Variants in IRAK3 observed in about 807,000 individuals in gnomAD.
The protein encoded by IRAK3 is interleukin 1 receptor associated kinase 3.
Under a neutral mutation model 56.6 loss-of-function variants are expected in IRAK3, and 57 were observed. The ratio of observed to expected loss-of-function variants is 1.01; its 90% CI spans 0.81 to 1.26. The LOEUF is 1.26. Among genes scored for constraint, IRAK3 ranks in the 50% most tolerant of loss-of-function variants. The probability of loss-of-function intolerance (pLI) is 0.00; values close to 1 mark genes in which losing one functional copy is unlikely to be tolerated. For synonymous variants in IRAK3, 258 were observed against 255.7 expected, an observed-to-expected ratio of 1.01 and a Z score of -0.09; for missense variants, 703 against 719.0, an observed-to-expected ratio of 0.98 and a Z score of 0.25.
At chr12:66,239,299 C>T (rs1592601123) in intron 8 of IRAK3, among the ~76,000 whole-genome samples, 3 of 144,568 alleles carry the variant, frequency 2.1e-5, no homozygotes, top group African/African-American at 5.1e-5. Flanking sequence ...TCAAAATGGA[C>T]TTTTTTTTTT....
At chr12:66,239,848 A>G (rs906425524) in intron 8 of IRAK3, among the ~76,000 whole-genome samples, 5 of 152,250 alleles carry the variant, frequency 3.3e-5, no homozygotes, top group Non-Finnish European at 2.9e-5. Flanking sequence ...ATACATAGAT[A>G]CATACACATA....
intron 1 of IRAK3, among the ~76,000 whole-genome samples, chr12:66,193,306 C>G (rs2052417515): frequency 6.6e-6 from 1 of 152,112 alleles, no homozygotes; most frequent in African/African-American, 2.4e-5. Context: ...AGCCACCGCG[C>G]CTGGCCTAGA....
At chr12:66,204,789 C>T (rs984586496) in intron 2 of IRAK3, among the ~76,000 whole-genome samples, 2 of 142,796 alleles carry the variant, frequency 1.4e-5, no homozygotes, top group African/African-American at 5.5e-5. Context: ...CACACACACA[C>T]ACACACACAC....
intron 8 of IRAK3, among the ~76,000 whole-genome samples, chr12:66,243,742 G>A (rs747732028): frequency 6.6e-6 from 1 of 152,192 alleles, no homozygotes; most frequent in African/African-American, 2.4e-5. Context: ...TGGAGCCAGG[G>A]AAAGGCAGAG....
At chr12:66,227,390 G>A (rs1215510111) in intron 7 of IRAK3, among the ~76,000 whole-genome samples, 1 of 151,946 alleles carries the variant, frequency 6.6e-6, no homozygotes, top group Non-Finnish European at 1.5e-5. Context: ...CAGGAGTTCA[G>A]GACCAGCCTG....
chr12:66,235,033 T>C, intron 8 of IRAK3: 1 of 1,613,410 alleles, frequency 6.2e-7, no homozygotes, highest in African/African-American at 1.3e-5. Context: ...TGGAGACTAT[T>C]TTCCCATATG....
chr12:66,210,673 A>G (rs961753613), intron 4 of IRAK3, among the ~76,000 whole-genome samples: 5 of 152,204 alleles, frequency 3.3e-5, no homozygotes, highest in African/African-American at 1.2e-4. Context: ...ACCTGGAATC[A>G]TTCTGATAAA....
chr12:66,253,801 C>T lies in IRAK3; in HGVS notation c.*5630C>T, dbSNP rs550130611. ...TTAAACAACCTATTGAGCCGGTTTC[C>T]ATTTCCTTGATCTATTAGATTTAAA... On this transcript the variant is annotated 3_prime_UTR_variant, in exon 12 of 12. Coordinates refer to ENST00000261233, the MANE Select transcript of IRAK3 (RefSeq NM_007199.3). 2 of 151,516 alleles carry T rather than the reference C, an allele frequency of 1.3e-5. No individual in the cohort carries two copies. Among genetic ancestry groups the T allele is most frequent in the Admixed American group, 1.3e-4 (2 of 15,152 alleles). 9.4% of individuals were successfully genotyped at this position (151,516 alleles called of 1,614,324 possible).
chr12:66,246,522 G>C (rs557673947), intron 11 of IRAK3, among the ~76,000 whole-genome samples: 142 of 152,178 alleles, frequency 9.3e-4, no homozygotes, highest in Non-Finnish European at 1.5e-3. Context: ...GACACCACCC[G>C]TGAGAGTTGT....
intron 8 of IRAK3, among the ~76,000 whole-genome samples, chr12:66,232,459 C>A (rs994747588): frequency 1.3e-5 from 2 of 152,130 alleles, no homozygotes; most frequent in Non-Finnish European, 2.9e-5. Context: ...ATTTCCCCCT[C>A]GTGTTTGGTG....
At chr12:66,246,659 C>T (rs1474267318) in intron 11 of IRAK3, among the ~76,000 whole-genome samples, 1 of 152,244 alleles carries the variant, frequency 6.6e-6, no homozygotes, top group African/African-American at 2.4e-5. Flanking sequence ...CTTCCCTTTT[C>T]TGAGCCTCAG....
chr12:66,247,911 C>G lies in IRAK3; in HGVS notation c.1531C>G (p.Gln511Glu). 1.2e-6 allele frequency: 2 copies of G among 1,614,138 alleles called. No individual in the cohort carries two copies. Among genetic ancestry groups the G allele is most frequent in the South Asian group, 2.2e-5 (2 of 91,080 alleles). ...TCAGAAAACTCCTTTTGAATGCAGC[C>G]AGTCTGAGGTTATGTTTCTGAGCTT... The part of the protein sequence containing the change: ...MTQKTPFECS[Q>E]SEVMFLSLDK... Residue 511 changes from glutamine to glutamate, a missense_variant, in exon 12 of 12, where the codon CAG becomes GAG. Physicochemically the swap from Gln to Glu is conservative, Grantham distance 29 (BLOSUM62 2). Transcript: ENST00000261233.
At chr12:66,234,798 G>T (rs994710180) in intron 8 of IRAK3, 9 of 1,599,306 alleles carry the variant, frequency 5.6e-6, no homozygotes, top group Non-Finnish European at 6.9e-6. Flanking sequence ...GAAATAACTT[G>T]TCCAAATGGT....
At chr12:66,239,441 C>G (rs545529870) in intron 8 of IRAK3, among the ~76,000 whole-genome samples, 41 of 152,226 alleles carry the variant, frequency 2.7e-4, no homozygotes, top group African/African-American at 9.1e-4. Context: ...CCCTCCCTGC[C>G]ACCAGGACAC....
At chr12:66,209,662 T>C (rs1458432489) in intron 3 of IRAK3, 142 bp downstream of exon 3, 7 of 691,940 alleles carry the variant, frequency 1.0e-5, no homozygotes, top group Non-Finnish European at 1.9e-5. Context: ...CTCTCATTAT[T>C]CTCTATTTAG....
At chr12:66,204,407 G>A (rs1209692040) in intron 2 of IRAK3, among the ~76,000 whole-genome samples, 2 of 152,086 alleles carry the variant, frequency 1.3e-5, no homozygotes, top group Non-Finnish European at 2.9e-5. Flanking sequence ...ACACCACAGC[G>A]TTTAACCCTG....
chr12:66,208,325 AC>A (rs2052576660), intron 2 of IRAK3, among the ~76,000 whole-genome samples: 1 of 108,064 alleles, frequency 9.3e-6, no homozygotes, highest in African/African-American at 7.3e-5. Context: ...TGTCATTGAT[AC>A]ACACACACAC....
chr12:66,224,736 G>A (rs777482246), intron 6 of IRAK3, among the ~76,000 whole-genome samples: 21 of 152,222 alleles, frequency 1.4e-4, no homozygotes, highest in African/African-American at 4.3e-4. Context: ...GGCTCAGAGC[G>A]ATTAAATAAC....
chr12:66,244,733 T>G (rs200990559), intron 9 of IRAK3, 49 bp downstream of exon 9: 281 of 1,495,060 alleles, frequency 1.9e-4, no homozygotes, highest in Non-Finnish European at 2.5e-4. Context: ...GCCAAGAATG[T>G]TCTAGATTCT....
Sources: gnomAD v4.1 joint callset for allele counts (sites outside exome capture counted in the v4.1 genomes callset) on GRCh38, gnomAD v4.1.1 for gene constraint, MANE v1.5 for transcripts, NCBI Gene and HGNC (gene_info 2026-07-23, HGNC 2026-07-21) for gene names.